RALGPS1: variants seen among roughly 807,000 people sequenced by gnomAD.
RALGPS1 encodes Ral GEF with PH domain and SH3 binding motif 1.
A neutral mutation model predicts 78.8 loss-of-function variants in RALGPS1; 19 were observed. The ratio of observed to expected loss-of-function variants is 0.24; its 90% CI spans 0.17 to 0.35. The LOEUF (loss-of-function observed/expected upper bound fraction) is 0.35, where lower values mean the gene tolerates loss of function less well. RALGPS1 is among the 10% of genes least tolerant of loss of function. The pLI, the probability that RALGPS1 is intolerant of heterozygous loss-of-function variation, is 1.00. For missense variants in RALGPS1, 454 were observed against 688.3 expected (o/e 0.66, Z 3.81); for synonymous variants, 228 against 256.3 (o/e 0.89, Z 1.06).
chr9:126,980,675 G>A (rs755652388), intron 4 of RALGPS1, among the ~76,000 whole-genome samples: 1 of 152,122 alleles, frequency 6.6e-6, no homozygotes, highest in Non-Finnish European at 1.5e-5. Flanking sequence ...TTCTTGCGTA[G>A]TTACTAAGAT....
At position 127,212,336 on chromosome 9, in the gene RALGPS1, G is replaced by T; in HGVS notation, c.1353+100G>T. ...CAGCAAAAGTCACATGCATGGCAGA[G>T]GCTCTGCTTGCAGTGGGCATGCAGC... is the stretch of plus-strand genomic sequence containing the variant. On this transcript the variant is annotated intron_variant, in intron 15 of 18. Transcript: ENST00000259351. This position sits in a 1 kb window ranked among gnomAD's most constrained non-coding sequence, Gnocchi z 6.0. The T allele has an allele frequency of 1.1e-6, 1 of 898,832 alleles. No individual in the cohort carries two copies. The allele number at this position is 898,832 out of a possible 1,614,324, so 55.7% of individuals were successfully genotyped here.
intron 4 of RALGPS1, among the ~76,000 whole-genome samples, chr9:127,000,776 A>G (rs929185110): frequency 6.8e-6 from 1 of 146,766 alleles, no homozygotes; most frequent in Non-Finnish European, 1.5e-5. Flanking sequence ...CTGGTCTCAA[A>G]CTCCTGACCT....
chr9:127,095,169 C>A (rs886854900), intron 8 of RALGPS1, among the ~76,000 whole-genome samples: 2 of 152,218 alleles, frequency 1.3e-5, no homozygotes, highest in African/African-American at 4.8e-5. Context: ...GAGGCTGAGG[C>A]AGGCAGATCA....
intron 3 of RALGPS1, among the ~76,000 whole-genome samples, chr9:126,973,868 T>C (rs2040353935): frequency 6.6e-6 from 1 of 152,148 alleles, no homozygotes; most frequent in African/African-American, 2.4e-5. Context: ...GTGACTTTTC[T>C]GTAGATTTGA....
At chr9:126,915,878 A>C (rs2034108018) in intron 1 of RALGPS1, among the ~76,000 whole-genome samples, 1 of 152,110 alleles carries the variant, frequency 6.6e-6, no homozygotes. Flanking sequence ...CTTGCTGGCC[A>C]CTGGTACCAG....
intron 8 of RALGPS1, among the ~76,000 whole-genome samples, chr9:127,121,433 C>T (rs2056073934): frequency 6.6e-6 from 1 of 152,182 alleles, no homozygotes. Flanking sequence ...CTCAATTTTC[C>T]CCAGAGAGTG....
intron 3 of RALGPS1, among the ~76,000 whole-genome samples, chr9:126,976,180 A>G (rs927150084): frequency 6.6e-6 from 1 of 152,124 alleles, no homozygotes; most frequent in Non-Finnish European, 1.5e-5. Context: ...TGAATATTCA[A>G]CCAAATTAAT....
intron 8 of RALGPS1, chr9:127,089,054 C>T: frequency 1.2e-6 from 2 of 1,614,194 alleles, no homozygotes; most frequent in Non-Finnish European, 1.7e-6. Flanking sequence ...CCGGTAATGG[C>T]CCCCGCGGTA....
chr9:126,933,748 C>T (rs561237933), intron 1 of RALGPS1, among the ~76,000 whole-genome samples: 3 of 152,258 alleles, frequency 2.0e-5, no homozygotes, highest in African/African-American at 7.2e-5. Flanking sequence ...TGCTTTGGAA[C>T]AGCTGCCATG....
chr9:127,194,995 A>C, intron 11 of RALGPS1, 96 bp from the exon 12 acceptor site: 1 of 1,487,586 alleles, frequency 6.7e-7, no homozygotes, highest in Middle Eastern at 1.7e-4. Context: ...GCTGTACTTC[A>C]AACCCGGGGC....
At chr9:127,052,991 A>T in intron 7 of RALGPS1, 52 bp downstream of exon 7, 1 of 1,241,780 alleles carries the variant, frequency 8.1e-7, no homozygotes, top group Non-Finnish European at 1.2e-6. Context: ...TTCATTGGTG[A>T]AGTTCTTCAT....
intron 4 of RALGPS1, among the ~76,000 whole-genome samples, chr9:126,982,246 G>A (rs139256001): frequency 2.0e-5 from 3 of 152,292 alleles, no homozygotes; most frequent in Admixed American, 6.5e-5. Flanking sequence ...GGAAGTGGGG[G>A]ACCCCTTGGA....
chr9:127,022,531 A>G (rs2045561143), intron 4 of RALGPS1, among the ~76,000 whole-genome samples: 1 of 150,816 alleles, frequency 6.6e-6, no homozygotes, highest in South Asian at 2.1e-4. Context: ...AAAAAAAAAA[A>G]TTGCACTCTT....
chr9:127,170,055 T>A lies in RALGPS1; in HGVS notation c.842+1283T>A, dbSNP rs561653397. Among the ~76,000 whole-genome samples the A allele has an allele frequency of 2.0e-5, 3 of 152,342 alleles. 1 individual carries two copies. The East Asian group carries it at 5.8e-4, about 29-fold the overall frequency. ...TATGCCATGATTCCTTGGAATCTTG[T>A]TATTCCAGTATATTTTTTATCTCTT... On this transcript the variant is annotated intron_variant, in intron 10 of 18. Coordinates refer to ENST00000259351, the MANE Select transcript of RALGPS1 (RefSeq NM_014636.3).
Position 127,034,420 on chromosome 9 carries a change from G to T in RALGPS1, c.217-11G>T, listed in dbSNP as rs2046685428. The T allele has an allele frequency of 6.2e-7, 1 of 1,612,294 alleles. No individual in the cohort carries two copies. Among genetic ancestry groups the T allele is most frequent in the African/African-American group, 1.3e-5 (1 of 74,862 alleles). On this transcript the variant is annotated splice_polypyrimidine_tract_variant and intron_variant, in intron 4 of 18. Coordinates refer to ENST00000259351, the MANE Select transcript of RALGPS1 (RefSeq NM_014636.3). ...TAGAATCACTGTTGAAATTCATTCT[G>T]TGCTTCCTAGGAACTAGCCAGCTGT...
Position 127,183,267 on chromosome 9 carries a change from A to C in RALGPS1, c.910+8485A>C, listed in dbSNP as rs2060401577. Among the ~76,000 whole-genome samples, 1 of 152,168 alleles carries C rather than the reference A, an allele frequency of 6.6e-6. No homozygotes were observed. The highest frequency in any genetic ancestry group is 1.5e-5 in the Non-Finnish European group (1 of 68,034). On this transcript the variant is annotated intron_variant, in intron 11 of 18. Transcript: ENST00000259351. This position sits in a 1 kb window ranked among gnomAD's most constrained non-coding sequence, Gnocchi z 4.0. ...TTCTAGCTGGCAGCCGATATCGCTG[A>C]TGCTTCTTCTCCCAGGCACTTCCGT...
In RALGPS1 at chr9:126,946,091, G is replaced by A. The variant is rs535775169; in HGVS notation, c.-65-16134G>A. On this transcript the variant is annotated intron_variant, in intron 1 of 18. Transcript: ENST00000259351. ...GTAGATGGGAGGTTTTGGTGGCTTG[G>A]ATCAAGATGGAGGGATTGGAGGTGG... is the stretch of plus-strand genomic sequence containing the variant. Among the ~76,000 whole-genome samples the A allele has an allele frequency of 2.2e-4, 34 of 152,316 alleles. No individual in the cohort carries two copies. In the South Asian group the frequency reaches 7.0e-3, roughly 32 times the overall value.
intron 7 of RALGPS1, among the ~76,000 whole-genome samples, chr9:127,065,018 C>A (rs1481205495): frequency 6.6e-6 from 1 of 151,846 alleles, no homozygotes; most frequent in Non-Finnish European, 1.5e-5. Flanking sequence ...TAGCTCACTG[C>A]AACCTTGAAC....
chr9:127,034,485 G>A lies in RALGPS1; in HGVS notation c.271G>A (p.Val91Ile), dbSNP rs146032431. Residue 91 changes from valine to isoleucine, a missense_variant, in exon 5 of 19, where the codon GTT becomes ATT. Physicochemically the swap from Val to Ile is conservative, Grantham distance 29. Coordinates refer to ENST00000259351, the MANE Select transcript of RALGPS1 (RefSeq NM_014636.3). ...GGAGAAACACAGTCTTGCCCCTAACGTTGTGGCCTTTACCCGGAGGTTTAA... is the reference window on the plus strand; with the variant it reads ...GGAGAAACACAGTCTTGCCCCTAACATTGTGGCCTTTACCCGGAGGTTTAA... ...KKEKHSLAPNVVAFTRRFNQV... is the reference protein window; with the variant it reads ...KKEKHSLAPNIVAFTRRFNQV... 84 of 1,614,058 alleles carry A rather than the reference G, an allele frequency of 5.2e-5. No individual in the cohort carries two copies. In the East Asian group the frequency reaches 8.5e-4, roughly 16 times the overall value.
Sources: allele counts gnomAD v4.1 joint callset (sites outside exome capture counted in the v4.1 genomes callset), GRCh38; gene constraint gnomAD v4.1.1; non-coding constraint Gnocchi (gnomAD v3.1); transcripts MANE v1.5; gene names NCBI Gene and HGNC (gene_info 2026-07-23, HGNC 2026-07-21).